Variants in PIBF1 observed in about 807,000 individuals in gnomAD.
The protein encoded by PIBF1 is progesterone immunomodulatory binding factor 1, also known as progesterone-induced-blocking factor 1.
Under a neutral mutation model 112.5 loss-of-function variants are expected in PIBF1, and 90 were observed. The observed-to-expected ratio is 0.80, with a 90% CI of 0.67 to 0.95. The LOEUF is 0.95. Ranked by LOEUF, PIBF1 falls within the 40% of genes least tolerant of loss-of-function variation. The pLI is 0.00. For missense variants in PIBF1, 915 were observed against 852.3 expected (o/e 1.07, Z -0.92); for synonymous variants, 301 against 288.6 (o/e 1.04, Z -0.44).
At chr13:72,931,919 T>G (rs1299063779) in intron 14 of PIBF1, among the ~76,000 whole-genome samples, 2 of 144,458 alleles carry the variant, frequency 1.4e-5, no homozygotes, top group Non-Finnish European at 3.0e-5. Flanking sequence ...AGTTTTTCCG[T>G]TTTTTTCTTT....
intron 12 of PIBF1, among the ~76,000 whole-genome samples, chr13:72,913,262 TA>T (rs1043403268): frequency 6.6e-6 from 1 of 152,074 alleles, no homozygotes; most frequent in African/African-American, 2.4e-5. Flanking sequence ...ATGGTAGACT[TA>T]AAAAATAAAA....
chr13:72,938,907 C>A (rs965073123), intron 14 of PIBF1, among the ~76,000 whole-genome samples: 4 of 152,136 alleles, frequency 2.6e-5, no homozygotes, highest in African/African-American at 9.7e-5. Context: ...TTGCATTTCT[C>A]TAATTAGGTT....
intron 2 of PIBF1, among the ~76,000 whole-genome samples, chr13:72,791,156 G>A (rs972338842): frequency 2.6e-5 from 4 of 152,082 alleles, no homozygotes; most frequent in Non-Finnish European, 2.9e-5. Context: ...CCGGGTTCAC[G>A]CGATTCTCCT....
At chr13:72,941,697 A>G (rs556842255) in intron 14 of PIBF1, among the ~76,000 whole-genome samples, 1 of 152,340 alleles carries the variant, frequency 6.6e-6, no homozygotes, top group South Asian at 2.1e-4. Context: ...AGGCATTGCT[A>G]GATTTGAAAG....
intron 9 of PIBF1, among the ~76,000 whole-genome samples, chr13:72,848,763 C>T (rs1033569081): frequency 2.0e-5 from 3 of 150,512 alleles, no homozygotes; most frequent in Admixed American, 6.7e-5. Flanking sequence ...ACCCGGGAAG[C>T]GGAGCTTGCA....
intron 8 of PIBF1, among the ~76,000 whole-genome samples, chr13:72,832,913 G>A (rs1423972591): frequency 1.7e-5 from 1 of 58,922 alleles, no homozygotes; most frequent in African/African-American, 8.4e-5. Flanking sequence ...CCAATCAAAC[G>A]TATTTTTGTC....
At chr13:72,997,873 T>C (rs2043731367) in intron 16 of PIBF1, among the ~76,000 whole-genome samples, 1 of 4,218 alleles carries the variant, frequency 2.4e-4, no homozygotes, top group African/African-American at 4.0e-4. Flanking sequence ...TAATTAATCA[T>C]AAATACCCAC....
chr13:72,812,012 A>G (rs2036047026), intron 5 of PIBF1, among the ~76,000 whole-genome samples: 2 of 152,222 alleles, frequency 1.3e-5, no homozygotes, highest in South Asian at 2.1e-4. Flanking sequence ...TATAATCTTT[A>G]GTAAATCTAG....
chr13:72,989,807 G>C (rs967073158), intron 16 of PIBF1, among the ~76,000 whole-genome samples: 5 of 152,168 alleles, frequency 3.3e-5, no homozygotes, highest in Non-Finnish European at 5.9e-5. Flanking sequence ...ATTTGAGAAA[G>C]AAAATATTGA....
At chr13:72,875,783 G>A (rs911894748) in intron 10 of PIBF1, among the ~76,000 whole-genome samples, 1 of 152,036 alleles carries the variant, frequency 6.6e-6, no homozygotes, top group African/African-American at 2.4e-5. Flanking sequence ...TTTTTAATAG[G>A]GTTGTTTGTT....
At position 72,787,005 on chromosome 13, in the gene PIBF1, A is replaced by G. The variant is rs192845517; in HGVS notation, c.252+3284A>G. On this transcript the variant is annotated intron_variant, in intron 2 of 17. Coordinates refer to ENST00000326291, the MANE Select transcript of PIBF1 (RefSeq NM_006346.4). ...TGTAAAATGCATTCCAATTTTAGAG[A>G]TGTTAAAATGTGAGAAAGTGTGAGT... 4.7e-3 allele frequency among the ~76,000 whole-genome samples: 713 copies of G among 152,270 alleles called. 19 individuals are homozygous for G. The highest frequency in any genetic ancestry group is 0.04 in the Admixed American group (616 of 15,290).
chr13:72,873,006 G>C (rs1368883482), intron 10 of PIBF1, among the ~76,000 whole-genome samples: 15 of 152,142 alleles, frequency 9.9e-5, no homozygotes, highest in Admixed American at 9.8e-4. Context: ...TTTTGCTGTA[G>C]TGTCAAATTT....
At chr13:72,862,561 C>G (rs1221638285) in intron 10 of PIBF1, among the ~76,000 whole-genome samples, 2 of 152,136 alleles carry the variant, frequency 1.3e-5, no homozygotes, top group Non-Finnish European at 2.9e-5. Context: ...AAGGGTTTGA[C>G]AAGATGAAAG....
intron 2 of PIBF1, among the ~76,000 whole-genome samples, chr13:72,787,435 T>A (rs1012417391): frequency 6.6e-6 from 1 of 152,178 alleles, no homozygotes; most frequent in Non-Finnish European, 1.5e-5. Flanking sequence ...ATTGGACTCC[T>A]GGTGTTAGAG....
intron 10 of PIBF1, among the ~76,000 whole-genome samples, chr13:72,880,794 T>C (rs1037533525): frequency 1.3e-5 from 2 of 152,192 alleles, no homozygotes; most frequent in Non-Finnish European, 2.9e-5. Context: ...TTATTATATA[T>C]GTATGTATTC....
chr13:72,819,837 A>G (rs2036464390), intron 5 of PIBF1, among the ~76,000 whole-genome samples: 1 of 152,100 alleles, frequency 6.6e-6, no homozygotes, highest in South Asian at 2.1e-4. Context: ...AGTGTTTCTC[A>G]ATATTATTGA....
intron 12 of PIBF1, among the ~76,000 whole-genome samples, chr13:72,916,216 C>T (rs556233759): frequency 1.1e-3 from 163 of 151,788 alleles, no homozygotes; most frequent in African/African-American, 3.7e-3. Context: ...TGGCGAAACC[C>T]TGTCTCTACT....
chr13:72,950,912 TC>T (rs1377207561), intron 14 of PIBF1, among the ~76,000 whole-genome samples: 1 of 152,210 alleles, frequency 6.6e-6, no homozygotes, highest in Non-Finnish European at 1.5e-5. Context: ...TGCCTGTAGT[TC>T]CCAGCCCACT....
intron 14 of PIBF1, among the ~76,000 whole-genome samples, chr13:72,947,368 C>T (rs991960609): frequency 6.6e-6 from 1 of 152,124 alleles, no homozygotes; most frequent in Non-Finnish European, 1.5e-5. Context: ...CTGGGCCTGG[C>T]CCCAGGAAAC....
Sources: gnomAD v4.1 joint callset for allele counts (sites outside exome capture counted in the v4.1 genomes callset) on GRCh38, gnomAD v4.1.1 for gene constraint, MANE v1.5 for transcripts, NCBI Gene and HGNC (gene_info 2026-07-23, HGNC 2026-07-21) for gene names.